Variants in ABCA10 observed in about 807,000 individuals in gnomAD.
The protein encoded by ABCA10 is ATP binding cassette subfamily A member 10.
A neutral mutation model predicts 187.5 loss-of-function variants in ABCA10; 169 were observed. The observed-to-expected ratio is 0.90, with a 90% CI of 0.80 to 1.02. The LOEUF (loss-of-function observed/expected upper bound fraction) is 1.02, where lower values mean the gene tolerates loss of function less well. Ranked by LOEUF, ABCA10 falls within the 50% of genes least tolerant of loss-of-function variation. ABCA10 has a pLI of 0.00. For missense variants in ABCA10, 1,727 were observed against 1,812.4 expected, an observed-to-expected ratio of 0.95 and a Z score of 0.86; for synonymous variants, 574 against 601.8, an observed-to-expected ratio of 0.95 and a Z score of 0.68.
intron 11 of ABCA10, chr17:69,196,254 C>A (rs766809511): frequency 6.1e-6 from 1 of 164,214 alleles, no homozygotes; most frequent in African/African-American, 2.4e-5. Flanking sequence ...ACTTCCCAGA[C>A]GGGGTGGCTG....
At chr17:69,187,900 AT>A in intron 18 of ABCA10, 21 bp from the exon 19 acceptor site, 1 of 1,603,300 alleles carries the variant, frequency 6.2e-7, no homozygotes, top group East Asian at 2.2e-5. Context: ...GTAATAAAAC[AT>A]TTTAATAGGC....
chr17:69,243,861 G>A (rs1367299516), intron 1 of ABCA10, among the ~76,000 whole-genome samples: 1 of 152,182 alleles, frequency 6.6e-6, no homozygotes, highest in East Asian at 1.9e-4. Flanking sequence ...TTGTGCCACT[G>A]TACTCCAGCC....
chr17:69,207,279 C>G (rs1466394883), intron 9 of ABCA10, among the ~76,000 whole-genome samples: 1 of 152,078 alleles, frequency 6.6e-6, no homozygotes, highest in African/African-American at 2.4e-5. Flanking sequence ...GGAAGCCTTG[C>G]CACTGTTGGT....
At chr17:69,187,083 G>A (rs550155367) in intron 19 of ABCA10, among the ~76,000 whole-genome samples, 1 of 151,976 alleles carries the variant, frequency 6.6e-6, no homozygotes, top group Non-Finnish European at 1.5e-5. Flanking sequence ...AGTTTGTAGG[G>A]TGTCAGATTG....
rs546014323 is a variant in ABCA10 at position 69,153,152 on chromosome 17, A to T, written c.4136+153T>A. ...TTTTTCCCTCCTGCAGGAATTTTGA[A>T]TGCTATATTAGGTTTCACTGAATTA... On this transcript the variant is annotated intron_variant, in intron 34 of 38. Coordinates refer to ENST00000690296, the MANE Select transcript of ABCA10 (RefSeq NM_001377321.1). Among the ~76,000 whole-genome samples, 5 of 152,334 alleles carry T rather than the reference A, an allele frequency of 3.3e-5. No homozygotes were observed. In the South Asian group the frequency reaches 1.0e-3, roughly 32 times the overall value.
chr17:69,202,609 T>C (rs2074555026), intron 9 of ABCA10, among the ~76,000 whole-genome samples: 1 of 152,266 alleles, frequency 6.6e-6, no homozygotes, highest in East Asian at 1.9e-4. Context: ...ACAAGTCTTC[T>C]CATGTTTTAT....
intron 9 of ABCA10, among the ~76,000 whole-genome samples, chr17:69,210,933 A>G (rs2074642862): frequency 6.7e-6 from 1 of 149,832 alleles, no homozygotes; most frequent in African/African-American, 2.5e-5. Context: ...TTGCAATACC[A>G]CTTTACTCCT....
At chr17:69,158,918 G>C (rs997924465) in intron 27 of ABCA10, among the ~76,000 whole-genome samples, 1 of 152,014 alleles carries the variant, frequency 6.6e-6, no homozygotes, top group Non-Finnish European at 1.5e-5. Context: ...GTCATTTCAT[G>C]TTGGAAGACA....
intron 22 of ABCA10, among the ~76,000 whole-genome samples, chr17:69,181,948 T>C (rs1293118189): frequency 6.6e-6 from 1 of 151,888 alleles, no homozygotes; most frequent in East Asian, 1.9e-4. Flanking sequence ...ACTCAGTAAA[T>C]TCATTTAATC....
intron 28 of ABCA10, 107 bp downstream of exon 28, chr17:69,156,725 C>T (rs2074177078): frequency 3.4e-6 from 2 of 594,956 alleles, no homozygotes; most frequent in Non-Finnish European, 5.0e-6. Context: ...CAACCTGAAA[C>T]CCTGTTTCTA....
At chr17:69,232,596 ATTATTT>A (rs1380544824), upstream of ABCA10, among the ~76,000 whole-genome samples, 2 of 152,138 alleles carry the variant, frequency 1.3e-5, no homozygotes, top group East Asian at 1.9e-4. Flanking sequence ...CAAATAATTT[ATTATTT>A]TTAATAGTTT....
chr17:69,193,044 C>A, intron 15 of ABCA10, 66 bp downstream of exon 15: 1 of 1,517,692 alleles, frequency 6.6e-7, no homozygotes. Context: ...TGAAAACAGG[C>A]TATGAAAAAT....
In ABCA10 at chr17:69,243,251, C is replaced by T. The variant is rs150061757; in HGVS notation, c.-593+1278G>A. On this transcript the variant is annotated intron_variant, in intron 1 of 39. Coordinates refer to the ABCA10 transcript ENST00000269081. ...ACTGTATTTATTTGAGAATCTTGCA[C>T]ACACATCACGTAACAACAGGGATAT... 2.4e-4 allele frequency among the ~76,000 whole-genome samples: 36 copies of T among 152,310 alleles called. No homozygotes were observed. The East Asian group carries it at 6.8e-3, about 29-fold the overall frequency.
At chr17:69,185,407 T>A (rs11655199) in intron 20 of ABCA10, 70 bp downstream of exon 20, 14 of 1,425,034 alleles carry the variant, frequency 9.8e-6, no homozygotes, top group South Asian at 1.7e-5. Context: ...TTCAATTGTC[T>A]CTCAGGTATG....
At chr17:69,192,004 T>A (rs1013362461) in intron 16 of ABCA10, among the ~76,000 whole-genome samples, 2 of 151,630 alleles carry the variant, frequency 1.3e-5, no homozygotes, top group African/African-American at 4.8e-5. Flanking sequence ...ATAAAGATAA[T>A]TTTTTTCTAT....
At position 69,214,703 on chromosome 17, in the gene ABCA10, C is replaced by G. The variant is rs367947986; in HGVS notation, c.1006+1G>C. The G allele has an allele frequency of 2.0e-6, 3 of 1,491,182 alleles. No individual in the cohort carries two copies. The highest frequency in any genetic ancestry group is 1.5e-5 in the African/African-American group (1 of 67,414). 92.4% of individuals were successfully genotyped at this position (1,491,182 alleles called of 1,614,324 possible). ...TAACTTTAACCACACTATTAACTTA[C>G]CAGGTAAAACTCGCTCAAAATATAA... is the stretch of plus-strand genomic sequence containing the variant. On this transcript the variant is annotated splice_donor_variant, in intron 9 of 38. Coordinates refer to ENST00000690296, the MANE Select transcript of ABCA10 (RefSeq NM_001377321.1). LOFTEE classifies it high-confidence loss of function.
chr17:69,184,136 A>C (rs2074402851), intron 20 of ABCA10, among the ~76,000 whole-genome samples: 1 of 152,134 alleles, frequency 6.6e-6, no homozygotes. Flanking sequence ...AGAAGCAGCC[A>C]TAATCTCCCT....
upstream of ABCA10, among the ~76,000 whole-genome samples, chr17:69,232,714 C>T (rs2074840047): frequency 6.6e-6 from 1 of 152,272 alleles, no homozygotes; most frequent in Non-Finnish European, 1.5e-5. Flanking sequence ...GATTAGAACT[C>T]CCTTCAGCAT....
chr17:69,182,166 G>A lies in ABCA10; in HGVS notation c.2756C>T (p.Thr919Ile). The A allele has an allele frequency of 1.3e-6, 2 of 1,579,026 alleles. No individual in the cohort carries two copies. Among genetic ancestry groups the A allele is most frequent in the South Asian group, 1.2e-5 (1 of 85,366 alleles). ...NFTELIQMES[T>I]SFSRDDIVLD... is the part of the protein sequence containing the mutation. The stretch of plus-strand genomic sequence containing the variant: ...TACTCTACTTACACGAGAAAATGAA[G>A]TGCTCTCCATTTGAATAAGCTCCGT... Residue 919 changes from threonine (T) to isoleucine (I), a missense_variant, in exon 22 of 39, where the codon ACT becomes ATT. Thr to Ile is a moderately conservative substitution (Grantham distance 89). Coordinates refer to ENST00000690296, the MANE Select transcript of ABCA10 (RefSeq NM_001377321.1).
Sources: gnomAD v4.1 joint callset for allele counts (sites outside exome capture counted in the v4.1 genomes callset) on GRCh38, gnomAD v4.1.1 for gene constraint, MANE v1.5 for transcripts, NCBI Gene and HGNC (gene_info 2026-07-23, HGNC 2026-07-21) for gene names.